Variants in GATA4 observed in about 807,000 individuals in gnomAD.
The protein encoded by GATA4 is transcription factor GATA-4.
GATA4 carries 7 observed loss-of-function variants against 37.9 expected under a neutral mutation model. The ratio of observed to expected loss-of-function variants is 0.18; its 90% confidence interval spans 0.11 to 0.35. The LOEUF is 0.35. Among genes scored for constraint, GATA4 ranks in the 10% least tolerant of loss-of-function variants. The pLI is 1.00. For synonymous variants in GATA4, 372 were observed against 292.6 expected, an observed-to-expected ratio of 1.27 and a Z score of -2.77; for missense variants, 647 against 653.0, an observed-to-expected ratio of 0.99 and a Z score of 0.10.
At chr8:11,685,397 A>C (rs1396366890) in intron 1 of GATA4, among the ~76,000 whole-genome samples, 1 of 152,224 alleles carries the variant, frequency 6.6e-6, no homozygotes. Flanking sequence ...ACTCGTGTTT[A>C]TTTGAAAGCA....
In GATA4 at chr8:11,740,271, C is replaced by G. The variant is rs577189493; in HGVS notation, c.617-8645C>G. On this transcript the variant is annotated intron_variant, in intron 2 of 6. Coordinates refer to ENST00000532059, the MANE Select transcript of GATA4 (RefSeq NM_001308093.3). ...GGGAGACACAGAGAGGAGGGATCAG[C>G]ATGTCACGGATGCAGGTCTCACAGT... is the stretch of plus-strand genomic sequence containing the variant. Among the ~76,000 whole-genome samples the G allele has an allele frequency of 2.6e-5, 4 of 152,330 alleles. No individual in the cohort carries two copies. The East Asian group carries it at 7.7e-4, about 29-fold the overall frequency.
At chr8:11,721,212 A>G (rs1379275595) in intron 2 of GATA4, among the ~76,000 whole-genome samples, 7 of 151,460 alleles carry the variant, frequency 4.6e-5, no homozygotes, top group Middle Eastern at 3.4e-3. Flanking sequence ...AGTCAAGGCC[A>G]GGCTTCCTGG....
chr8:11,748,266 C>A (rs1389307451), intron 2 of GATA4, among the ~76,000 whole-genome samples: 3 of 151,794 alleles, frequency 2.0e-5, no homozygotes. Context: ...GTGGCTCATG[C>A]ATGTAGTCTC....
upstream of GATA4, among the ~76,000 whole-genome samples, chr8:11,689,578 G>T (rs890192665): frequency 7.2e-5 from 11 of 152,210 alleles, no homozygotes; most frequent in Non-Finnish European, 1.6e-4. Context: ...GGTGCAATAT[G>T]TGCCTGGTGC....
rs1799161510 is a variant in GATA4, at chr8:11,687,123, A to G, written c.-274+10060A>G. 2.0e-5 allele frequency among the ~76,000 whole-genome samples: 3 copies of G among 152,142 alleles called. No homozygotes were observed. The South Asian group carries it at 6.2e-4, about 32-fold the overall frequency. On this transcript the variant is annotated intron_variant, in intron 1 of 6. Transcript: ENST00000528712. ...TGCAGAGGATGCCTTCCAAAGCAAG[A>G]GATGTGAGAAGTGAGGAGGACACAG...
chr8:11,680,050 G>T (rs1798905244), intron 1 of GATA4, among the ~76,000 whole-genome samples: 1 of 152,236 alleles, frequency 6.6e-6, no homozygotes, highest in Admixed American at 6.5e-5. Context: ...CCTGCCAGGG[G>T]GCTTGGACCA....
At chr8:11,700,995 A>G (rs1799656580), upstream of GATA4, among the ~76,000 whole-genome samples, 3 of 152,202 alleles carry the variant, frequency 2.0e-5, no homozygotes, top group Admixed American at 2.0e-4. Context: ...TGTGAATTCC[A>G]GCATCCACCG....
chr8:11,681,473 G>T, intron 1 of GATA4: 1 of 941,178 alleles, frequency 1.1e-6, no homozygotes. Context: ...CCCGGTCCCC[G>T]CGCGGGGTGC....
Position 11,750,158 on chromosome 8 carries a change from C to G in GATA4, c.834C>G (p.Thr278=). The G allele has an allele frequency of 6.2e-7, 1 of 1,613,976 alleles. No individual in the cohort carries two copies. Among genetic ancestry groups the G allele is most frequent in the South Asian group, 1.1e-5 (1 of 91,090 alleles). The change falls in exon 4 of 7, where the codon ACC becomes ACG. Residue 278 remains threonine, a synonymous_variant. Coordinates refer to ENST00000532059, the MANE Select transcript of GATA4 (RefSeq NM_001308093.3). ...VGLSCANCQT[T]TTTLWRRNAE... is the part of the protein sequence containing the mutation. ...TCTCCTGTGCCAACTGCCAGACCACCACCACCACGCTGTGGCGCCGCAATG... is the reference window on the plus strand; with the variant it reads ...TCTCCTGTGCCAACTGCCAGACCACGACCACCACGCTGTGGCGCCGCAATG...
At position 11,721,911 on chromosome 8, in the gene GATA4, G is replaced by A. The variant is rs141441930; in HGVS notation, c.616+12983G>A. The stretch of plus-strand genomic sequence containing the variant: ...TCCCAGGAGGTGTAGAGGTGAAGAG[G>A]AAGGGCTCAGATCAACCGATCTTTC... On this transcript the variant is annotated intron_variant, in intron 2 of 6. Coordinates refer to ENST00000532059, the MANE Select transcript of GATA4 (RefSeq NM_001308093.3). 1.8e-3 allele frequency among the ~76,000 whole-genome samples: 280 copies of A among 152,304 alleles called. 2 individuals carry two copies. The highest frequency in any genetic ancestry group is 6.2e-3 in the African/African-American group (258 of 41,572).
intron 2 of GATA4, among the ~76,000 whole-genome samples, chr8:11,722,688 C>T (rs1423478933): frequency 6.6e-6 from 1 of 152,152 alleles, no homozygotes; most frequent in Non-Finnish European, 1.5e-5. Flanking sequence ...GAACATATTC[C>T]TCTGTCCCCT....
At chr8:11,699,421 A>C (rs1277116382), upstream of GATA4, among the ~76,000 whole-genome samples, 1 of 152,168 alleles carries the variant, frequency 6.6e-6, no homozygotes, top group Non-Finnish European at 1.5e-5. Context: ...CCCCGAAGAA[A>C]GGGCCCCTTA....
At chr8:11,744,939 A>T (rs1253380926) in intron 2 of GATA4, among the ~76,000 whole-genome samples, 1 of 152,220 alleles carries the variant, frequency 6.6e-6, no homozygotes, top group East Asian at 1.9e-4. Flanking sequence ...AAATGAACTA[A>T]TATTATTAGT....
At chr8:11,728,381 G>C (rs765319661) in intron 2 of GATA4, among the ~76,000 whole-genome samples, 3 of 152,044 alleles carry the variant, frequency 2.0e-5, no homozygotes, top group Non-Finnish European at 4.4e-5. Context: ...TTTTGGTTTT[G>C]TTTTTGAAAC....
intron 2 of GATA4, among the ~76,000 whole-genome samples, chr8:11,729,467 G>C (rs1801099831): frequency 6.6e-6 from 1 of 151,724 alleles, no homozygotes; most frequent in African/African-American, 2.4e-5. Flanking sequence ...TACTTGGGAG[G>C]CTGAGGCAGG....
chr8:11,717,716 C>G (rs1253898941), intron 2 of GATA4, among the ~76,000 whole-genome samples: 1 of 152,206 alleles, frequency 6.6e-6, no homozygotes, highest in Non-Finnish European at 1.5e-5. Context: ...AGGGTAGCTT[C>G]TTGTCTGAGT....
At chr8:11,718,191 C>T (rs73537880) in intron 2 of GATA4, among the ~76,000 whole-genome samples, 1 of 152,138 alleles carries the variant, frequency 6.6e-6, no homozygotes, top group South Asian at 2.1e-4. Context: ...AGGAAAAGCC[C>T]CGTGGAATTG....
intron 6 of GATA4, among the ~76,000 whole-genome samples, chr8:11,757,874 G>T (rs1003689473): frequency 4.6e-5 from 7 of 152,250 alleles, no homozygotes; most frequent in African/African-American, 1.7e-4. Flanking sequence ...AGGAGGCCGT[G>T]TCTTAGTGAG....
intron 4 of GATA4, among the ~76,000 whole-genome samples, chr8:11,752,428 G>C (rs1802348967): frequency 6.6e-6 from 1 of 152,204 alleles, no homozygotes; most frequent in Non-Finnish European, 1.5e-5. Flanking sequence ...GCAGGCAAGA[G>C]AGAATGAGAG....
Sources: allele counts gnomAD v4.1 joint callset (sites outside exome capture counted in the v4.1 genomes callset), GRCh38; gene constraint gnomAD v4.1.1; transcripts MANE v1.5; gene names NCBI Gene and HGNC (gene_info 2026-07-23, HGNC 2026-07-21).